AFF2: variants seen among roughly 807,000 people sequenced by gnomAD.
AFF2 encodes the protein AF4/FMR2 family member 2.
Under a neutral mutation model 76.9 loss-of-function variants are expected in AFF2, and 14 were observed. That is an observed-to-expected ratio of 0.18 (90% CI 0.12 to 0.28). AFF2 has a LOEUF of 0.28. Among genes scored for constraint, AFF2 ranks in the 10% least tolerant of loss-of-function variants. AFF2 has a pLI of 1.00. For synonymous variants in AFF2, 398 were observed against 366.7 expected (o/e 1.09, Z -0.98); for missense variants, 868 against 1,001.1 (o/e 0.87, Z 1.79).
intron 6 of AFF2, 26 bp from the exon 7 acceptor site, chrX:148,843,356 T>C (rs781880244): frequency 8.6e-7 from 1 of 1,167,574 alleles, no homozygotes; most frequent in African/African-American, 1.8e-5. Flanking sequence ...ACATGAACAG[T>C]AATTGTTTAT....
chrX:148,618,002 C>A (rs1365050652), intron 1 of AFF2, among the ~76,000 whole-genome samples: 1 of 111,491 alleles, frequency 9.0e-6, no homozygotes, highest in Non-Finnish European at 1.9e-5. Context: ...TACTTATTTT[C>A]TCTTTCTCTC....
Position 148,956,496 on chromosome X carries a change from C to A in AFF2, c.2451C>A (p.Ser817Arg), listed in dbSNP as rs1557287394. The part of the protein sequence containing the change: ...LDLLSRVPGH[S>R]SLHAAPAKPD... ...TACTCTCTAGAGTACCTGGCCACAGCTCACTCCATGCAGCACCTGCCAAGC... is the reference window on the plus strand; with the variant it reads ...TACTCTCTAGAGTACCTGGCCACAGATCACTCCATGCAGCACCTGCCAAGC... The change falls in exon 11 of 21, where the codon AGC becomes AGA. Residue 817 changes from serine to arginine, a missense_variant. Transcript: ENST00000370460. 8.3e-7 allele frequency: 1 copy of A among 1,210,384 alleles called. No homozygotes were observed. Among genetic ancestry groups the A allele is most frequent in the Non-Finnish European group, 1.1e-6 (1 of 895,303 alleles).
intron 1 of AFF2, among the ~76,000 whole-genome samples, chrX:148,515,252 C>T (rs2052522695): frequency 9.0e-6 from 1 of 111,700 alleles, no homozygotes; most frequent in Admixed American, 9.5e-5. Flanking sequence ...ATTTCATGTC[C>T]AAAACTGTCG....
intron 1 of AFF2, among the ~76,000 whole-genome samples, chrX:148,556,805 G>A (rs782405573): frequency 8.9e-6 from 1 of 112,204 alleles, no homozygotes; most frequent in South Asian, 3.6e-4. Flanking sequence ...TGGGCCCTTA[G>A]GGAGGCACCA....
chrX:148,722,959 A>T (rs2055111585), intron 3 of AFF2, among the ~76,000 whole-genome samples: 1 of 110,766 alleles, frequency 9.0e-6, no homozygotes, highest in Non-Finnish European at 1.9e-5. Flanking sequence ...TCCTTGATCT[A>T]GTGTCTAGTC....
chrX:148,878,679 A>G (rs1217561560), intron 7 of AFF2, among the ~76,000 whole-genome samples: 1 of 111,861 alleles, frequency 8.9e-6, no homozygotes, highest in Non-Finnish European at 1.9e-5. Flanking sequence ...TAAAGATAAA[A>G]GATTCTGTGT....
At chrX:148,799,036 T>A (rs2070023075) in intron 3 of AFF2, among the ~76,000 whole-genome samples, 1 of 111,987 alleles carries the variant, frequency 8.9e-6, no homozygotes, top group African/African-American at 3.2e-5. Context: ...TAACAGAAGA[T>A]ACTAAGTAAG....
chrX:148,837,869 C>T, intron 5 of AFF2, 136 bp downstream of exon 5: 1 of 427,206 alleles, frequency 2.3e-6, no homozygotes, highest in Non-Finnish European at 4.1e-6. Context: ...CTCAGAATAG[C>T]AATATAAAAA....
chrX:148,882,096 C>A (rs782753745), intron 7 of AFF2, among the ~76,000 whole-genome samples: 1 of 111,521 alleles, frequency 9.0e-6, no homozygotes, highest in Non-Finnish European at 1.9e-5. Context: ...TCTTCAAAAT[C>A]ATCTAAGCAT....
chrX:148,501,590 C>A (rs1366443612), intron 1 of AFF2, among the ~76,000 whole-genome samples: 1 of 113,137 alleles, frequency 8.8e-6, no homozygotes, highest in Non-Finnish European at 1.9e-5. Context: ...CGGCCAGCAG[C>A]CCTCTGCTTC....
chrX:148,621,913 T>C lies in AFF2; in HGVS notation c.48-30086T>C, dbSNP rs7056412. Among the ~76,000 whole-genome samples the C allele has an allele frequency of 2.1e-3, 230 of 112,162 alleles. 1 individual carries two copies. The highest frequency in any genetic ancestry group is 4.4e-3 in the Admixed American group (47 of 10,573). ...GTTTGTCCTATTTACTTTAGTCTAT[T>C]ATGCATGATTTGCAATTACTAAATT... On this transcript the variant is annotated intron_variant, in intron 1 of 20. Coordinates refer to ENST00000370460, the MANE Select transcript of AFF2 (RefSeq NM_002025.4).
At chrX:148,915,004 A>G (rs1557282389) in intron 9 of AFF2, among the ~76,000 whole-genome samples, 1 of 112,387 alleles carries the variant, frequency 8.9e-6, no homozygotes, top group Non-Finnish European at 1.9e-5. Context: ...GTTCAGAGTC[A>G]AGAGCCTGAG....
chrX:148,895,570 AGTGTGT>A lies in AFF2; in HGVS notation c.1360-8628_1360-8623del, dbSNP rs60601698. On this transcript the variant is annotated intron_variant, in intron 8 of 20. Transcript: ENST00000370460. ...GAACAGTGTACTCTGTGAGTGAGTGAGTGTGTGTGTGTGTGTGTGTGTGTGTGTAAG... is the reference window on the plus strand; with the variant it reads ...GAACAGTGTACTCTGTGAGTGAGTGAGTGTGTGTGTGTGTGTGTGTGTAAG... Among the ~76,000 whole-genome samples, 515 of 94,620 alleles carry A rather than the reference AGTGTGT, an allele frequency of 5.4e-3. 2 individuals carry two copies. The highest frequency in any genetic ancestry group is 8.0e-3 in the South Asian group (14 of 1,759). The allele number at this position is 94,620 out of a possible 115,157, so 82.2% of individuals were successfully genotyped here.
At chrX:148,968,985 G>T (rs1302267906) in intron 15 of AFF2, among the ~76,000 whole-genome samples, 1 of 112,600 alleles carries the variant, frequency 8.9e-6, no homozygotes, top group Non-Finnish European at 1.9e-5. Flanking sequence ...CCTAGGGTTT[G>T]CCATCTGTCA....
chrX:148,532,342 C>T (rs2052739029), intron 1 of AFF2, among the ~76,000 whole-genome samples: 1 of 112,009 alleles, frequency 8.9e-6, no homozygotes, highest in Non-Finnish European at 1.9e-5. Flanking sequence ...AGACTCCATT[C>T]ACTAAAACAA....
At chrX:148,505,754 A>G (rs781917617) in intron 1 of AFF2, among the ~76,000 whole-genome samples, 13 of 112,168 alleles carry the variant, frequency 1.2e-4, no homozygotes, top group Non-Finnish European at 2.4e-4. Context: ...AAACTGCCAT[A>G]TACTTGATTA....
intron 9 of AFF2, among the ~76,000 whole-genome samples, chrX:148,928,068 A>G (rs1425605245): frequency 1.8e-5 from 2 of 111,852 alleles, no homozygotes; most frequent in Admixed American, 1.9e-4. Context: ...TAAACCTATC[A>G]TCAGGTTTAG....
At chrX:148,741,468 T>G (rs1449958880) in intron 3 of AFF2, among the ~76,000 whole-genome samples, 2 of 110,657 alleles carry the variant, frequency 1.8e-5, no homozygotes, top group African/African-American at 6.6e-5. Flanking sequence ...AACTGAATGG[T>G]CAGTCTCACC....
chrX:148,945,362 T>C (rs2071888160), intron 9 of AFF2, among the ~76,000 whole-genome samples: 2 of 112,547 alleles, frequency 1.8e-5, no homozygotes, highest in African/African-American at 6.5e-5. Flanking sequence ...CAACTTTCTC[T>C]GTTGCTAAAG....
Sources: gnomAD v4.1 joint callset for allele counts (sites outside exome capture counted in the v4.1 genomes callset) on GRCh38, gnomAD v4.1.1 for gene constraint, MANE v1.5 for transcripts, NCBI Gene and HGNC (gene_info 2026-07-23, HGNC 2026-07-21) for gene names.